Variants in TMEM47 observed in about 807,000 individuals in gnomAD.
TMEM47 encodes the protein brain cell membrane protein 1.
Under a neutral mutation model 12.4 loss-of-function variants are expected in TMEM47, and 3 were observed. That is an observed-to-expected ratio of 0.24 (90% confidence interval 0.11 to 0.63). The LOEUF (loss-of-function observed/expected upper bound fraction) is 0.63. Ranked by LOEUF, TMEM47 falls within the 20% of genes least tolerant of loss-of-function variation. TMEM47 has a pLI of 0.86. For missense variants in TMEM47, 89 were observed against 143.8 expected (o/e 0.62, Z 1.95); for synonymous variants, 62 against 63.3 (o/e 0.98, Z 0.10).
chrX:34,639,217 T>C (rs1921771039), intron 2 of TMEM47, 30 bp downstream of exon 2: 4 of 1,164,110 alleles, frequency 3.4e-6, no homozygotes, highest in South Asian at 3.9e-5. Context: ...GAAACTTTAA[T>C]ACTCATTTGA....
At position 34,628,355 on chromosome X, in the gene TMEM47, T is replaced by C. The variant is rs186330127; in HGVS notation, c.*1958A>G. 96 of 111,902 alleles carry C rather than the reference T, an allele frequency of 8.6e-4. No individual in the cohort carries two copies. Among genetic ancestry groups the C allele is most frequent in the African/African-American group, 3.0e-3 (92 of 30,806 alleles). The allele number at this position is 111,902 out of a possible 1,213,427, so 9.2% of individuals were successfully genotyped here. A position where few individuals can be genotyped will look rare whatever the true frequency, so the allele number is the denominator to read the frequency against. ...TGCTTCAAAAGACTCTATAATACTATCTTTCTGGAGAATTTCCACTCATAA... is the reference window on the plus strand; with the variant it reads ...TGCTTCAAAAGACTCTATAATACTACCTTTCTGGAGAATTTCCACTCATAA... On this transcript the variant is annotated 3_prime_UTR_variant, in exon 3 of 3. Transcript: ENST00000275954.
At chrX:34,649,668 T>C (rs1601968752) in intron 1 of TMEM47, among the ~76,000 whole-genome samples, 1 of 110,959 alleles carries the variant, frequency 9.0e-6, no homozygotes, top group African/African-American at 3.3e-5. Context: ...AGTTTACCTA[T>C]ATAATAAACA....
chrX:34,627,427 A>C lies in TMEM47; in HGVS notation c.*2886T>G, dbSNP rs1921527915. 8.9e-6 allele frequency: 1 copy of C among 112,278 alleles called. No homozygotes were observed. The highest frequency in any genetic ancestry group is 3.2e-5 in the African/African-American group (1 of 30,867). 9.3% of individuals were successfully genotyped at this position (112,278 alleles called of 1,213,427 possible). On this transcript the variant is annotated 3_prime_UTR_variant, in exon 3 of 3. Coordinates refer to ENST00000275954, the MANE Select transcript of TMEM47 (RefSeq NM_031442.4). ...AGGTTAGAGTGCACTGCTCTGTACA[A>C]AAATACAGTCTGAATAAATTACATT...
At chrX:34,651,124 T>C (rs1034071295) in intron 1 of TMEM47, among the ~76,000 whole-genome samples, 1 of 111,778 alleles carries the variant, frequency 8.9e-6, no homozygotes, top group Admixed American at 9.5e-5. Context: ...CAATGTGAAC[T>C]TGCCACTGCT....
chrX:34,655,149 A>C (rs1052948022), intron 1 of TMEM47, among the ~76,000 whole-genome samples: 1 of 111,912 alleles, frequency 8.9e-6, no homozygotes, highest in Non-Finnish European at 1.9e-5. Flanking sequence ...TTGAAAAGCA[A>C]ATGTGAGTTG....
At chrX:34,630,610 A>G in intron 2 of TMEM47, 119 bp from the exon 3 acceptor site, 1 of 599,326 alleles carries the variant, frequency 1.7e-6, no homozygotes, top group East Asian at 3.7e-5. Context: ...AAAGCCAAAA[A>G]TTTTAAAGAT....
At chrX:34,642,120 G>A (rs1334765180) in intron 1 of TMEM47, among the ~76,000 whole-genome samples, 1 of 112,644 alleles carries the variant, frequency 8.9e-6, no homozygotes, top group African/African-American at 3.2e-5. Flanking sequence ...GCCTCCCAAA[G>A]TGCTGGGATT....
At chrX:34,630,515 T>G in intron 2 of TMEM47, 24 bp from the exon 3 acceptor site, 1 of 1,155,039 alleles carries the variant, frequency 8.7e-7, no homozygotes, top group Non-Finnish European at 1.2e-6. Flanking sequence ...AAATCAAAAT[T>G]AGAAAATGTT....
At chrX:34,652,565 C>T (rs1922035613) in intron 1 of TMEM47, among the ~76,000 whole-genome samples, 1 of 112,122 alleles carries the variant, frequency 8.9e-6, no homozygotes, top group African/African-American at 3.2e-5. Context: ...AAGTGGCTCC[C>T]TGGGAATTAT....
At chrX:34,653,268 A>AT (rs1423906750) in intron 1 of TMEM47, among the ~76,000 whole-genome samples, 1 of 112,228 alleles carries the variant, frequency 8.9e-6, no homozygotes, top group East Asian at 2.8e-4. Flanking sequence ...AAAACTACCA[A>AT]TGACTCACGT....
chrX:34,641,095 G>GA (rs1921808212), intron 1 of TMEM47, among the ~76,000 whole-genome samples: 1 of 20,735 alleles, frequency 4.8e-5, no homozygotes. Context: ...GAATTAAAAA[G>GA]CCAAAAAAAA....
chrX:34,655,134 C>T (rs1442604836), intron 1 of TMEM47, among the ~76,000 whole-genome samples: 1 of 111,893 alleles, frequency 8.9e-6, no homozygotes, highest in Non-Finnish European at 1.9e-5. Flanking sequence ...AAAAAGGGTA[C>T]TGGCTTGAAA....
chrX:34,635,043 C>T (rs185697735), intron 2 of TMEM47, among the ~76,000 whole-genome samples: 1 of 111,816 alleles, frequency 8.9e-6, no homozygotes, highest in East Asian at 2.8e-4. Context: ...CTTCCAATTG[C>T]CAGCACCTGT....
intron 2 of TMEM47, among the ~76,000 whole-genome samples, chrX:34,632,145 A>C (rs1921636309): frequency 8.9e-6 from 1 of 111,935 alleles, no homozygotes; most frequent in African/African-American, 3.2e-5. Context: ...TCTTGCCCTT[A>C]ACAAAAAAAG....
Position 34,630,150 on chromosome X carries a change from A to G in TMEM47, c.*163T>C. On this transcript the variant is annotated 3_prime_UTR_variant, in exon 3 of 3. Coordinates refer to ENST00000275954, the MANE Select transcript of TMEM47 (RefSeq NM_031442.4). ...TGCAGATTTCTAAAATGGATGTAAA[A>G]GCTGGTTATGATGTTGACAGCCAAA... The G allele has an allele frequency of 4.5e-6, 2 of 448,619 alleles. No individual in the cohort carries two copies. Among genetic ancestry groups the G allele is most frequent in the East Asian group, 7.5e-5 (2 of 26,753 alleles). The allele number at this position is 448,619 out of a possible 1,213,427, so 37.0% of individuals were successfully genotyped here.
chrX:34,657,124 G>A lies in TMEM47; in HGVS notation c.-95C>T, dbSNP rs1292478270. 9.6e-7 allele frequency: 1 copy of A among 1,046,055 alleles called. No individual in the cohort carries two copies. The highest frequency in any genetic ancestry group is 3.8e-5 in the East Asian group (1 of 26,040). 86.2% of individuals were successfully genotyped at this position (1,046,055 alleles called of 1,213,427 possible). A position where few individuals can be genotyped will look rare whatever the true frequency, so the allele number is the denominator to read the frequency against. On this transcript the variant is annotated 5_prime_UTR_variant, in exon 1 of 3. Coordinates refer to ENST00000275954, the MANE Select transcript of TMEM47 (RefSeq NM_031442.4). ...GGACCTCCCGAAGGGAGAAGCCGCCGAGCTGCCACGCGCGGGGACTCGCTC... is the reference window on the plus strand; with the variant it reads ...GGACCTCCCGAAGGGAGAAGCCGCCAAGCTGCCACGCGCGGGGACTCGCTC...
chrX:34,639,448 G>A, intron 1 of TMEM47, 61 bp from the exon 2 acceptor site: 2 of 1,094,569 alleles, frequency 1.8e-6, no homozygotes, highest in Non-Finnish European at 2.5e-6. Context: ...ACAGAACTAT[G>A]TTCAGCAGCC....
In TMEM47 at chrX:34,630,309, G is replaced by A. The variant is rs747973639; in HGVS notation, c.*4C>T. The stretch of plus-strand genomic sequence containing the variant: ...TGGTTGTTTTTACTTTGAGACTATT[G>A]GTTCTAGTAGTAGTCTTCATAGTTC... On this transcript the variant is annotated 3_prime_UTR_variant, in exon 3 of 3. Transcript: ENST00000275954. 1 of 1,184,103 alleles carries A rather than the reference G, an allele frequency of 8.4e-7. No homozygotes were observed. The highest frequency in any genetic ancestry group is 1.1e-6 in the Non-Finnish European group (1 of 879,619).
Position 34,630,112 on chromosome X carries a change from C to T in TMEM47, c.*201G>A, listed in dbSNP as rs1299109264. The T allele has an allele frequency of 2.7e-6, 1 of 364,193 alleles. No individual in the cohort carries two copies. The highest frequency in any genetic ancestry group is 2.5e-5 in the African/African-American group (1 of 39,318). 30.0% of individuals were successfully genotyped at this position (364,193 alleles called of 1,213,427 possible). On this transcript the variant is annotated 3_prime_UTR_variant, in exon 3 of 3. Coordinates refer to ENST00000275954, the MANE Select transcript of TMEM47 (RefSeq NM_031442.4). Reference sequence around the variant, plus strand: ...GCAGCATTTGCCTATGTCTAATCAGCTCTCTTAATTTGTGCAGATTTCTAA... The same window carrying T: ...GCAGCATTTGCCTATGTCTAATCAGTTCTCTTAATTTGTGCAGATTTCTAA...
Sources: allele counts gnomAD v4.1 joint callset (sites outside exome capture counted in the v4.1 genomes callset), GRCh38; gene constraint gnomAD v4.1.1; transcripts MANE v1.5; gene names NCBI Gene and HGNC (gene_info 2026-07-23, HGNC 2026-07-21).